Variants in MYO7B observed in about 807,000 individuals in gnomAD.
MYO7B encodes unconventional myosin-VIIb.
In MYO7B, 212 loss-of-function variants were observed where a neutral mutation model predicts 259.7. The ratio of observed to expected loss-of-function variants is 0.82; its 90% CI spans 0.73 to 0.91. The LOEUF (loss-of-function observed/expected upper bound fraction) is 0.91, where lower values mean the gene tolerates loss of function less well. MYO7B is among the 40% of genes least tolerant of loss of function. The pLI, the probability that MYO7B is intolerant of heterozygous loss-of-function variation, is 0.00. For synonymous variants in MYO7B, 1,197 were observed against 1,166.4 expected (o/e 1.03, Z -0.54); for missense variants, 2,732 against 2,813.5 (o/e 0.97, Z 0.66).
At chr2:127,570,005 C>A (rs1001729700) in intron 6 of MYO7B, 95 bp downstream of exon 6, 60 of 1,385,272 alleles carry the variant, frequency 4.3e-5, no homozygotes, top group Non-Finnish European at 5.6e-5. Flanking sequence ...AGGCCACAAA[C>A]CTTCAGCAAC....
chr2:127,540,181 T>TG (rs1421403118), intron 1 of MYO7B, among the ~76,000 whole-genome samples: 1 of 151,890 alleles, frequency 6.6e-6, no homozygotes, highest in Non-Finnish European at 1.5e-5. Context: ...TTTTTTTTTT[T>TG]GAGATGGAGT....
intron 14 of MYO7B, 100 bp from the exon 15 acceptor site, chr2:127,588,292 C>A (rs1273346076): frequency 7.3e-7 from 1 of 1,375,514 alleles, no homozygotes; most frequent in Non-Finnish European, 9.9e-7. Context: ...GGAGGGGGCT[C>A]CTCCACGCAT....
In MYO7B at chr2:127,590,276, G is replaced by A. The variant is rs750717960; in HGVS notation, c.1992+47G>A. 1 of 1,611,528 alleles carries A rather than the reference G, an allele frequency of 6.2e-7. No homozygotes were observed. Among genetic ancestry groups the A allele is most frequent in the Admixed American group, 1.7e-5 (1 of 59,928 alleles). ...ACAGCAAAGGAGGGAGGAGGAGGAG[G>A]CTGATGGCCTCTAGGGTTGTGGTCA... On this transcript the variant is annotated intron_variant, in intron 16 of 47. Transcript: ENST00000409816. This position sits in a 1 kb window ranked among gnomAD's most constrained non-coding sequence, Gnocchi z 4.6.
chr2:127,633,275 AG>A lies in MYO7B; in HGVS notation c.5424del (p.Gln1808HisfsTer82). 6.2e-7 allele frequency: 1 copy of A among 1,611,772 alleles called. No individual in the cohort carries two copies. The highest frequency in any genetic ancestry group is 8.5e-7 in the Non-Finnish European group (1 of 1,179,498). On this transcript the variant is annotated frameshift_variant, in exon 40 of 48. Coordinates refer to ENST00000409816, the MANE Select transcript of MYO7B (RefSeq NM_001393586.1). LOFTEE classifies it high-confidence loss of function. ...QKVLRTGPRK[Q>X]PPHQVEVEAA... ...CCCCTCAGGACGGGGCCCCGGAAGC[AG>A]CCCCCGCACCAGGTGGAGGTGGAGG...
At position 127,636,888 on chromosome 2, in the gene MYO7B, G is replaced by A; in HGVS notation, c.6302G>A (p.Ser2101Asn). ...GCGCTGGGGAGCCTGGGCCGTGGCA[G>A]CCGCCTGCTGTGCGAGACCTCCCTG... ...HMALGSLGRG[S>N]RLLCETSLGY... The change falls in exon 47 of 48, where the codon AGC (serine) becomes AAC (asparagine). Residue 2101 changes from serine to asparagine, a missense_variant. This residue lies in a region of MYO7B where 821 missense variants were observed against 769.3 expected (regional missense o/e 1.07). Transcript: ENST00000409816. The surrounding 1 kb of genome is among the most constrained non-coding windows in gnomAD (Gnocchi z 4.5). The A allele has an allele frequency of 6.2e-7, 1 of 1,613,226 alleles. No homozygotes were observed. The highest frequency in any genetic ancestry group is 1.1e-5 in the South Asian group (1 of 91,076).
chr2:127,553,492 G>A (rs1168925682), intron 1 of MYO7B, among the ~76,000 whole-genome samples: 3 of 151,958 alleles, frequency 2.0e-5, no homozygotes, highest in African/African-American at 4.8e-5. Context: ...TTAGGTATAT[G>A]CTTAAGTATT....
chr2:127,609,024 G>A lies in MYO7B; in HGVS notation c.2814+146G>A. On this transcript the variant is annotated intron_variant, in intron 22 of 47. Transcript: ENST00000409816. This position sits in a 1 kb window ranked among gnomAD's most constrained non-coding sequence, Gnocchi z 6.9. The stretch of plus-strand genomic sequence containing the variant: ...GCAGCCCTGCTGGTCCCACACGGAA[G>A]AGGGGAGCGTGCGTGGGTTCTGTGG... 3.5e-6 allele frequency: 4 copies of A among 1,144,644 alleles called. No individual in the cohort carries two copies. In the South Asian group the frequency reaches 6.2e-5, roughly 18 times the overall value. 70.9% of individuals were successfully genotyped at this position (1,144,644 alleles called of 1,614,324 possible). A position where few individuals can be genotyped will look rare whatever the true frequency, so the allele number is the denominator to read the frequency against.
intron 17 of MYO7B, 94 bp from the exon 18 acceptor site, chr2:127,593,452 A>C: frequency 1.6e-6 from 2 of 1,225,310 alleles, no homozygotes; most frequent in Non-Finnish European, 1.2e-6. Context: ...CTGATGGGGG[A>C]GCCTGTGGGA....
chr2:127,610,559 A>G (rs1680344850), intron 24 of MYO7B, among the ~76,000 whole-genome samples: 1 of 152,242 alleles, frequency 6.6e-6, no homozygotes, highest in African/African-American at 2.4e-5. Context: ...CCTCTAATGA[A>G]AGTTAATTCA....
At chr2:127,620,161 A>T in intron 26 of MYO7B, 179 bp from the exon 27 acceptor site, 1 of 616,446 alleles carries the variant, frequency 1.6e-6, no homozygotes, top group African/African-American at 1.8e-5. Flanking sequence ...TCGAGTAGGG[A>T]TGCAGAGCCT....
chr2:127,575,489 T>C lies in MYO7B; in HGVS notation c.736-1106T>C, dbSNP rs74837119. Among the ~76,000 whole-genome samples, 1,317 of 151,340 alleles carry C rather than the reference T, an allele frequency of 8.7e-3. 8 individuals carry two copies. Among genetic ancestry groups the C allele is most frequent in the Middle Eastern group, 0.017 (5 of 294 alleles). On this transcript the variant is annotated intron_variant, in intron 7 of 47. Transcript: ENST00000409816. ...TACTACAGAGGAGGCGGTCTGTCCA[T>C]GTCAATGTAAAGGATCACCAAGAGA...
intron 4 of MYO7B, 84 bp from the exon 5 acceptor site, chr2:127,566,559 A>T: frequency 7.4e-7 from 1 of 1,348,916 alleles, no homozygotes; most frequent in Non-Finnish European, 9.8e-7. Flanking sequence ...CCGAGGGCAG[A>T]GCCAGAGCCA....
intron 1 of MYO7B, among the ~76,000 whole-genome samples, chr2:127,540,482 T>A (rs1222244336): frequency 6.6e-6 from 1 of 152,244 alleles, no homozygotes; most frequent in African/African-American, 2.4e-5. Context: ...CTTTTTCATA[T>A]AATGACTTAT....
At chr2:127,620,703 C>T (rs1001551590) in intron 27 of MYO7B, among the ~76,000 whole-genome samples, 14 of 152,210 alleles carry the variant, frequency 9.2e-5, no homozygotes, top group Non-Finnish European at 7.3e-5. Context: ...GGCCATTTCA[C>T]TTTGGCTCAG....
intron 6 of MYO7B, among the ~76,000 whole-genome samples, chr2:127,571,870 C>G (rs1678647504): frequency 6.6e-6 from 1 of 152,148 alleles, no homozygotes; most frequent in Non-Finnish European, 1.5e-5. Context: ...GAGTTTGTGG[C>G]TTGTCTTTTC....
At chr2:127,540,109 T>C (rs923380264) in intron 1 of MYO7B, among the ~76,000 whole-genome samples, 8 of 152,214 alleles carry the variant, frequency 5.3e-5, no homozygotes, top group African/African-American at 1.9e-4. Flanking sequence ...GTTCCATATC[T>C]TTGCAATTGT....
intron 16 of MYO7B, among the ~76,000 whole-genome samples, chr2:127,591,309 CAG>C (rs1343791771): frequency 1.3e-5 from 2 of 152,252 alleles, no homozygotes; most frequent in East Asian, 3.8e-4. Context: ...GCTGGGCTCC[CAG>C]AGACCCTTGG....
At chr2:127,602,030 T>A (rs1679979795) in intron 19 of MYO7B, among the ~76,000 whole-genome samples, 1 of 152,224 alleles carries the variant, frequency 6.6e-6, no homozygotes, top group Admixed American at 6.5e-5. Context: ...GCCATTTTAT[T>A]TTTTGTTTTC....
chr2:127,588,523 C>G lies in MYO7B; in HGVS notation c.1822C>G (p.Arg608Gly). 1.9e-6 allele frequency: 3 copies of G among 1,613,270 alleles called. No individual in the cohort carries two copies. The South Asian group carries it at 3.3e-5, about 18-fold the overall frequency. The change falls in exon 15 of 48, where the codon CGC (arginine) becomes GGC (glycine). Residue 608 changes from arginine (R) to glycine (G), a missense_variant. This residue lies in a region of MYO7B where 1,906 missense variants were observed against 2,026.4 expected (regional missense o/e 0.94). Coordinates refer to ENST00000409816, the MANE Select transcript of MYO7B (RefSeq NM_001393586.1). ...AETKLGHGTIRQAKAGNHLFK... is the reference protein window; with the variant it reads ...AETKLGHGTIGQAKAGNHLFK... ...GACCAAGCTGGGCCATGGGACCATCCGCCAGGCAAAGGCAGGAAACCATCT... is the reference window on the plus strand; with the variant it reads ...GACCAAGCTGGGCCATGGGACCATCGGCCAGGCAAAGGCAGGAAACCATCT...
Sources: gnomAD v4.1 joint callset for allele counts (sites outside exome capture counted in the v4.1 genomes callset) on GRCh38, gnomAD v4.1.1 for gene constraint, gnomAD v4.1.1 regional missense constraint, Gnocchi (gnomAD v3.1) non-coding constraint, MANE v1.5 for transcripts, NCBI Gene and HGNC (gene_info 2026-07-23, HGNC 2026-07-21) for gene names.